C12orf76: variants seen among roughly 807,000 people sequenced by gnomAD.
The protein encoded by C12orf76 is uncharacterized protein C12orf76.
C12orf76 carries 6 observed loss-of-function variants against 6.8 expected under a neutral mutation model. The ratio of observed to expected loss-of-function variants is 0.88; its 90% CI spans 0.48 to 1.73. C12orf76 has a LOEUF of 1.73. C12orf76 is among the 40% of genes most tolerant of loss of function. C12orf76 has a pLI of 0.01. For synonymous variants in C12orf76, 56 were observed against 43.7 expected, an observed-to-expected ratio of 1.28 and a Z score of -1.11; for missense variants, 99 against 98.2, an observed-to-expected ratio of 1.01 and a Z score of -0.03.
At chr12:110,063,183 G>A (rs986562568) in intron 2 of C12orf76, among the ~76,000 whole-genome samples, 7 of 147,302 alleles carry the variant, frequency 4.8e-5, no homozygotes, top group East Asian at 4.2e-4. Context: ...CAAGTGATCC[G>A]CCCGCCTCAG....
intron 1 of C12orf76, 114 bp downstream of exon 1, chr12:110,048,249 C>A (rs1892500640): frequency 1.5e-6 from 2 of 1,293,940 alleles, no homozygotes; most frequent in Non-Finnish European, 2.0e-6. Flanking sequence ...ACCCCCCGCA[C>A]TCACCCATCT....
chr12:110,064,699 G>A (rs1337717192), intron 2 of C12orf76, among the ~76,000 whole-genome samples: 1 of 152,120 alleles, frequency 6.6e-6, no homozygotes, highest in African/African-American at 2.4e-5. Flanking sequence ...ACCCCTGCTA[G>A]CTTCCCCAGC....
At chr12:110,065,029 G>A (rs1017668093) in intron 2 of C12orf76, among the ~76,000 whole-genome samples, 4 of 152,168 alleles carry the variant, frequency 2.6e-5, no homozygotes, top group Non-Finnish European at 4.4e-5. Flanking sequence ...GTGTTTTGGT[G>A]TTAGACATGA....
upstream of C12orf76, among the ~76,000 whole-genome samples, chr12:110,052,854 C>A (rs1450452272): frequency 2.6e-5 from 4 of 152,124 alleles, no homozygotes; most frequent in Non-Finnish European, 5.9e-5. Context: ...CAGATCCATC[C>A]CTGGAGACTA....
intron 2 of C12orf76, among the ~76,000 whole-genome samples, chr12:110,063,348 AT>A (rs1387425188): frequency 1.3e-5 from 2 of 151,446 alleles, no homozygotes; most frequent in Non-Finnish European, 2.9e-5. Flanking sequence ...CAGTGGTGCA[AT>A]CTCAGCTCAC....
At chr12:110,063,286 A>C (rs1892805517) in intron 2 of C12orf76, among the ~76,000 whole-genome samples, 1 of 150,772 alleles carries the variant, frequency 6.6e-6, no homozygotes. Context: ...ATTTTTATTT[A>C]TTTTTTATTG....
exon 3 of C12orf76, chr12:110,059,098 C>A (rs1489638545): frequency 1.3e-6 from 2 of 1,551,582 alleles, no homozygotes; most frequent in African/African-American, 2.7e-5. Flanking sequence ...GCTCCACAGC[C>A]TCAGCTCTCT....
Position 110,041,783 on chromosome 12 carries a change from G to C in C12orf76, c.*591C>G, listed in dbSNP as rs1288315271. ...CAGGCCAAAGGTGCATATAGTAACAGGTCTACCTGATGTGACCCTGACTTC... is the reference window on the plus strand; with the variant it reads ...CAGGCCAAAGGTGCATATAGTAACACGTCTACCTGATGTGACCCTGACTTC... On this transcript the variant is annotated 3_prime_UTR_variant, in exon 2 of 2. Coordinates refer to ENST00000615315, the MANE Select transcript of C12orf76 (RefSeq NM_001389625.1). 6.4e-6 allele frequency: 1 copy of C among 155,544 alleles called. No homozygotes were observed. The highest frequency in any genetic ancestry group is 1.4e-5 in the Non-Finnish European group (1 of 70,086). The allele number at this position is 155,544 out of a possible 1,614,324, so 9.6% of individuals were successfully genotyped here. A position where few individuals can be genotyped will look rare whatever the true frequency, so the allele number is the denominator to read the frequency against.
intron 1 of C12orf76, chr12:110,073,321 A>G (rs1162499325): frequency 1.3e-5 from 6 of 457,012 alleles, no homozygotes; most frequent in Non-Finnish European, 2.2e-5. Context: ...CAAATTTGAA[A>G]ACCATGTGAG....
intron 1 of C12orf76, among the ~76,000 whole-genome samples, chr12:110,072,752 G>A (rs1433016996): frequency 1.3e-5 from 2 of 151,890 alleles, no homozygotes; most frequent in African/African-American, 2.4e-5. Flanking sequence ...GCGAAACCCC[G>A]TTTCTACTAA....
chr12:110,051,150 A>G, upstream of C12orf76: 1 of 780,286 alleles, frequency 1.3e-6, no homozygotes, highest in Middle Eastern at 2.3e-4. Flanking sequence ...ACAGCTTGCC[A>G]CTCACCAGAG....
At chr12:110,059,769 G>T (rs1370548661) in intron 2 of C12orf76, among the ~76,000 whole-genome samples, 1 of 152,220 alleles carries the variant, frequency 6.6e-6, no homozygotes, top group Non-Finnish European at 1.5e-5. Flanking sequence ...AGAGCACATG[G>T]CCTGTAGGAT....
chr12:110,047,552 C>T (rs1211835913), intron 1 of C12orf76, among the ~76,000 whole-genome samples: 2 of 151,964 alleles, frequency 1.3e-5, no homozygotes, highest in African/African-American at 4.8e-5. Context: ...TGGTGGTGCA[C>T]GCCTGTAGTC....
upstream of C12orf76, among the ~76,000 whole-genome samples, chr12:110,069,704 A>G (rs1892937939): frequency 6.6e-6 from 1 of 151,944 alleles, no homozygotes; most frequent in Admixed American, 6.6e-5. Flanking sequence ...TGAGAAGCAC[A>G]TGAGAACAGA....
chr12:110,063,866 C>A (rs1892817628), intron 2 of C12orf76, among the ~76,000 whole-genome samples: 1 of 151,946 alleles, frequency 6.6e-6, no homozygotes, highest in Admixed American at 6.6e-5. Flanking sequence ...AAGATCACGC[C>A]ACTGCAGTCC....
chr12:110,071,917 G>T (rs1205374568), upstream of C12orf76, among the ~76,000 whole-genome samples: 4 of 152,136 alleles, frequency 2.6e-5, no homozygotes, highest in African/African-American at 9.7e-5. Context: ...CTCCAAGGGT[G>T]AAACATAGTT....
upstream of C12orf76, among the ~76,000 whole-genome samples, chr12:110,068,208 AAAG>A (rs752882530): frequency 1.3e-5 from 2 of 150,982 alleles, no homozygotes; most frequent in East Asian, 2.0e-4. Context: ...CCGTCTCAAA[AAAG>A]AAGAAGAAGG....
chr12:110,048,776 C>A (rs1447124028), upstream of C12orf76: 13 of 692,766 alleles, frequency 1.9e-5, no homozygotes, highest in Non-Finnish European at 2.1e-5. Context: ...AGCGTTCCCT[C>A]ATCCATTGGG....
chr12:110,054,339 A>C lies in C12orf76; in HGVS notation n.664+2850T>G, dbSNP rs2137227543. Among the ~76,000 whole-genome samples, 1 of 152,354 alleles carries C rather than the reference A, an allele frequency of 6.6e-6. No individual in the cohort carries two copies. Among genetic ancestry groups the C allele is most frequent in the African/African-American group, 2.4e-5 (1 of 41,596 alleles). ...TGGATAGGCAAAATGTGGTCTATCC[A>C]TTCAATGAGATATTATTCAGCCATA... is the stretch of plus-strand genomic sequence containing the variant. On this transcript the variant is annotated intron_variant and non_coding_transcript_variant, in intron 4 of 4. Transcript: ENST00000309050. This position sits in a 1 kb window ranked among gnomAD's most constrained non-coding sequence, Gnocchi z 4.4.
Sources: gnomAD v4.1 joint callset for allele counts (sites outside exome capture counted in the v4.1 genomes callset) on GRCh38, gnomAD v4.1.1 for gene constraint, Gnocchi (gnomAD v3.1) non-coding constraint, MANE v1.5 for transcripts, NCBI Gene and HGNC (gene_info 2026-07-23, HGNC 2026-07-21) for gene names.